Variants in ZNF343 observed in about 807,000 individuals in gnomAD.
ZNF343 encodes the protein zinc finger protein 343.
Under a neutral mutation model 13.8 loss-of-function variants are expected in ZNF343, and 11 were observed. The observed-to-expected ratio is 0.80, with a 90% CI of 0.50 to 1.32. The LOEUF (loss-of-function observed/expected upper bound fraction) is 1.32, where lower values mean the gene tolerates loss of function less well. ZNF343 is among the 40% of genes most tolerant of loss of function. The probability of loss-of-function intolerance (pLI) is 0.00; values close to 1 mark genes in which losing one functional copy is unlikely to be tolerated. For synonymous variants in ZNF343, 248 were observed against 260.0 expected, an observed-to-expected ratio of 0.95 and a Z score of 0.44; for missense variants, 658 against 714.2, an observed-to-expected ratio of 0.92 and a Z score of 0.90.
At position 2,508,068 on chromosome 20, in the gene ZNF343, C is replaced by T. The variant is rs1027273070; in HGVS notation, c.-237+813G>A. Among the ~76,000 whole-genome samples the T allele has an allele frequency of 3.9e-5, 6 of 151,996 alleles. No homozygotes were observed. The highest frequency in any genetic ancestry group is 7.4e-5 in the Non-Finnish European group (5 of 68,012). On this transcript the variant is annotated intron_variant, in intron 1 of 5. Transcript: ENST00000278772. This position sits in a 1 kb window ranked among gnomAD's most constrained non-coding sequence, Gnocchi z 4.5. ...TGCCACAAAGCACAGGGGGCACCTCCCACATGACACACCTTGAGACAACAG... is the reference window on the plus strand; with the variant it reads ...TGCCACAAAGCACAGGGGGCACCTCTCACATGACACACCTTGAGACAACAG...
Position 2,504,697 on chromosome 20 carries a change from A to G in ZNF343, c.-236-3955T>C, listed in dbSNP as rs180985673. The stretch of plus-strand genomic sequence containing the variant: ...AGCATATAAACAGAACCAACGACAA[A>G]AACCATATGATTATCTCAATAGATT... On this transcript the variant is annotated intron_variant, in intron 1 of 5. Transcript: ENST00000278772. 3.0e-3 allele frequency among the ~76,000 whole-genome samples: 453 copies of G among 152,346 alleles called. 2 individuals carry two copies. Among genetic ancestry groups the G allele is most frequent in the Middle Eastern group, 3.4e-3 (1 of 294 alleles).
rs376820755 is a variant in ZNF343, at chr20:2,493,891, A to G, written c.5T>C (p.Met2Thr). Reference sequence around the variant, plus strand: ...TCCCAGTGCTGAAGGATAAGGCAACATCATGGCGCCAGAGTCAGCCCAGTG... The same window carrying G: ...TCCCAGTGCTGAAGGATAAGGCAACGTCATGGCGCCAGAGTCAGCCCAGTG... M[M>T]LPYPSALGDQ... The change falls in exon 3 of 6, where the codon ATG becomes ACG. Residue 2 changes from methionine (M) to threonine (T), a missense_variant. Physicochemically the swap from Met to Thr is moderately conservative, Grantham distance 81 (BLOSUM62 -1). Transcript: ENST00000278772. 9 of 1,609,574 alleles carry G rather than the reference A, an allele frequency of 5.6e-6. No homozygotes were observed. In the African/African-American group the frequency reaches 1.2e-4, roughly 22 times the overall value.
chr20:2,489,467 T>C (rs1037459504), intron 5 of ZNF343, among the ~76,000 whole-genome samples: 18 of 152,238 alleles, frequency 1.2e-4, no homozygotes, highest in African/African-American at 4.3e-4. Context: ...CAGACTTAGC[T>C]GTGGGATTTG....
At chr20:2,520,155 T>C (rs2085776140) in intron 1 of ZNF343, among the ~76,000 whole-genome samples, 1 of 152,222 alleles carries the variant, frequency 6.6e-6, no homozygotes, top group Admixed American at 6.5e-5. Flanking sequence ...TGAGCTAAGT[T>C]TCACTAATAC....
At chr20:2,496,659 G>A (rs1033257640) in intron 2 of ZNF343, among the ~76,000 whole-genome samples, 8 of 152,258 alleles carry the variant, frequency 5.3e-5, no homozygotes, top group East Asian at 3.9e-4. Context: ...TGGTTTGGAC[G>A]AAAGTGGACA....
At chr20:2,496,732 GA>G (rs894290471) in intron 2 of ZNF343, among the ~76,000 whole-genome samples, 134 of 151,128 alleles carry the variant, frequency 8.9e-4, no homozygotes, top group African/African-American at 3.2e-3. Flanking sequence ...GTTGTGAGAT[GA>G]AAAAAAAATC....
intron 2 of ZNF343, among the ~76,000 whole-genome samples, chr20:2,497,664 A>T (rs1370939577): frequency 6.6e-6 from 1 of 152,250 alleles, no homozygotes; most frequent in East Asian, 1.9e-4. Flanking sequence ...GGCAACAAGT[A>T]TAGACCATTC....
Position 2,493,902 on chromosome 20 carries a change from A to C in ZNF343, c.-7T>G. Reference sequence around the variant, plus strand: ...AAGGATAAGGCAACATCATGGCGCCAGAGTCAGCCCAGTGTGTGCCTTGAA... The same window carrying C: ...AAGGATAAGGCAACATCATGGCGCCCGAGTCAGCCCAGTGTGTGCCTTGAA... On this transcript the variant is annotated 5_prime_UTR_variant, in exon 3 of 6. Coordinates refer to ENST00000278772, the MANE Select transcript of ZNF343 (RefSeq NM_024325.6). 2 of 1,592,428 alleles carry C rather than the reference A, an allele frequency of 1.3e-6. No homozygotes were observed. The highest frequency in any genetic ancestry group is 1.7e-6 in the Non-Finnish European group (2 of 1,160,236).
intron 5 of ZNF343, among the ~76,000 whole-genome samples, chr20:2,490,068 A>C (rs1445535693): frequency 2.0e-5 from 3 of 152,116 alleles, no homozygotes; most frequent in East Asian, 1.9e-4. Flanking sequence ...GGGAAAATGG[A>C]AAGAGGAAAG....
At chr20:2,512,329 C>T (rs1324265604), upstream of ZNF343, among the ~76,000 whole-genome samples, 1 of 152,082 alleles carries the variant, frequency 6.6e-6, no homozygotes, top group African/African-American at 2.4e-5. Context: ...TCCTAAAGTT[C>T]GTATGGAATT....
intron 1 of ZNF343, among the ~76,000 whole-genome samples, chr20:2,520,913 G>T (rs1331515212): frequency 1.3e-5 from 2 of 152,304 alleles, no homozygotes; most frequent in East Asian, 3.9e-4. Context: ...TGGGGACACA[G>T]CCCCAGGGCA....
intron 5 of ZNF343, among the ~76,000 whole-genome samples, chr20:2,489,450 A>G (rs927203563): frequency 2.6e-5 from 4 of 152,206 alleles, no homozygotes; most frequent in Non-Finnish European, 5.9e-5. Flanking sequence ...TCCCACCACG[A>G]TGACATCAGA....
intron 1 of ZNF343, among the ~76,000 whole-genome samples, chr20:2,523,997 A>G (rs1246556196): frequency 7.4e-6 from 1 of 135,776 alleles, no homozygotes; most frequent in Non-Finnish European, 1.6e-5. Context: ...AAAAAAAAAA[A>G]ATCGAAGTGT....
intron 5 of ZNF343, among the ~76,000 whole-genome samples, chr20:2,490,292 G>C (rs1011631661): frequency 6.6e-6 from 1 of 152,092 alleles, no homozygotes; most frequent in African/African-American, 2.4e-5. Flanking sequence ...AAAGGAGTAT[G>C]TGACACTGAC....
At chr20:2,493,378 T>C (rs2085398474) in intron 4 of ZNF343, 141 bp downstream of exon 4, 11 of 792,934 alleles carry the variant, frequency 1.4e-5, no homozygotes, top group Non-Finnish European at 1.5e-5. Context: ...CTTTGACAAC[T>C]TTTTTCAAGA....
intron 2 of ZNF343, among the ~76,000 whole-genome samples, chr20:2,498,083 G>A (rs564684624): frequency 6.0e-4 from 92 of 152,322 alleles, no homozygotes; most frequent in African/African-American, 1.9e-3. Flanking sequence ...CAGGCCAGGC[G>A]TGGTGGCTCA....
chr20:2,492,934 C>T, intron 4 of ZNF343, 109 bp from the exon 5 acceptor site: 4 of 1,485,050 alleles, frequency 2.7e-6, no homozygotes, highest in Non-Finnish European at 3.6e-6. Context: ...TGATGTAATT[C>T]GTCAGAATAT....
At chr20:2,490,643 A>G (rs2085353536) in intron 5 of ZNF343, among the ~76,000 whole-genome samples, 1 of 151,372 alleles carries the variant, frequency 6.6e-6, no homozygotes, top group Non-Finnish European at 1.5e-5. Context: ...GTTCAAGTGA[A>G]TCTCCTGCCT....
intron 1 of ZNF343, among the ~76,000 whole-genome samples, chr20:2,515,003 A>AT (rs2085753274): frequency 1.0e-5 from 1 of 99,288 alleles, no homozygotes; most frequent in Non-Finnish European, 2.2e-5. Flanking sequence ...ACATTGTATC[A>AT]AAAAAAAAAA....
Sources: gnomAD v4.1 joint callset for allele counts (sites outside exome capture counted in the v4.1 genomes callset) on GRCh38, gnomAD v4.1.1 for gene constraint, Gnocchi (gnomAD v3.1) non-coding constraint, MANE v1.5 for transcripts, NCBI Gene and HGNC (gene_info 2026-07-23, HGNC 2026-07-21) for gene names.